Variants in IFT43 observed in about 807,000 individuals in gnomAD.
IFT43 encodes the protein intraflagellar transport protein 43 homolog.
In IFT43, 33 loss-of-function variants were observed where a neutral mutation model predicts 32.3. The ratio of observed to expected loss-of-function variants is 1.02; its 90% CI spans 0.77 to 1.37. The LOEUF is 1.37. IFT43 is among the 40% of genes most tolerant of loss of function. The probability of loss-of-function intolerance (pLI) is 0.00; values close to 1 mark genes in which losing one functional copy is unlikely to be tolerated. For missense variants in IFT43, 274 were observed against 265.9 expected, an observed-to-expected ratio of 1.03 and a Z score of -0.21; for synonymous variants, 93 against 98.2, an observed-to-expected ratio of 0.95 and a Z score of 0.31.
At chr14:75,999,241 A>AATATTCATTTATATATAAATTTATTT (rs1408982797) in intron 2 of IFT43, among the ~76,000 whole-genome samples, 1 of 12,974 alleles carries the variant, frequency 7.7e-5, no homozygotes, top group African/African-American at 3.3e-4. Context: ...ATATATATAT[A>AATATTCATTTATATATAAATTTATTT]TATATATATA....
intron 2 of IFT43, among the ~76,000 whole-genome samples, chr14:76,010,113 AT>A (rs972569349): frequency 1.3e-5 from 2 of 152,116 alleles, no homozygotes; most frequent in African/African-American, 4.8e-5. Context: ...CTTCTACCAC[AT>A]TGTTTTCTTC....
At chr14:75,993,708 C>A (rs1302976298) in intron 2 of IFT43, among the ~76,000 whole-genome samples, 1 of 152,218 alleles carries the variant, frequency 6.6e-6, no homozygotes, top group Non-Finnish European at 1.5e-5. Flanking sequence ...ATTACTCTAG[C>A]TCCTTCCAGC....
At chr14:76,014,422 G>C (rs1284258287) in intron 2 of IFT43, among the ~76,000 whole-genome samples, 4 of 152,180 alleles carry the variant, frequency 2.6e-5, no homozygotes, top group African/African-American at 7.2e-5. Flanking sequence ...TGATCAAGTT[G>C]CATCAGCTTC....
intron 5 of IFT43, among the ~76,000 whole-genome samples, chr14:76,065,850 G>A (rs2037216911): frequency 6.6e-6 from 1 of 152,152 alleles, no homozygotes; most frequent in Non-Finnish European, 1.5e-5. Flanking sequence ...AAACTCCTGG[G>A]CTCAACCAGT....
At chr14:76,034,668 A>G (rs1021702135) in intron 3 of IFT43, among the ~76,000 whole-genome samples, 1 of 152,220 alleles carries the variant, frequency 6.6e-6, no homozygotes, top group Non-Finnish European at 1.5e-5. Flanking sequence ...CTTTATTTGC[A>G]TAACACTGCC....
intron 3 of IFT43, among the ~76,000 whole-genome samples, chr14:76,053,462 A>G (rs11159166): frequency 0.35 from 53,220 of 151,984 alleles, 9,433 homozygotes; most frequent in African/African-American, 0.4. Context: ...TTTAAATGCA[A>G]GTCACGACAG....
At chr14:75,996,254 G>T (rs1028642512) in intron 2 of IFT43, among the ~76,000 whole-genome samples, 1 of 152,184 alleles carries the variant, frequency 6.6e-6, no homozygotes, top group African/African-American at 2.4e-5. Context: ...AAAGATGATC[G>T]TTTTGTCTTT....
At chr14:76,036,404 C>CT (rs2036599102) in intron 3 of IFT43, among the ~76,000 whole-genome samples, 1 of 120,786 alleles carries the variant, frequency 8.3e-6, no homozygotes, top group Admixed American at 8.5e-5. Context: ...TTCTTTCTGT[C>CT]TTTCTTTTTT....
At chr14:76,072,380 C>G (rs1008315138) in intron 5 of IFT43, among the ~76,000 whole-genome samples, 3 of 152,172 alleles carry the variant, frequency 2.0e-5, no homozygotes, top group African/African-American at 7.2e-5. Context: ...CCTCCTCTTG[C>G]ATTGGCAGGG....
intron 2 of IFT43, among the ~76,000 whole-genome samples, chr14:75,994,572 G>A (rs973380757): frequency 6.6e-6 from 1 of 152,178 alleles, no homozygotes; most frequent in Non-Finnish European, 1.5e-5. Context: ...GAAACCCAAG[G>A]AGAAATGATA....
At chr14:76,025,199 C>A (rs1270213644) in intron 3 of IFT43, among the ~76,000 whole-genome samples, 1 of 152,154 alleles carries the variant, frequency 6.6e-6, no homozygotes, top group African/African-American at 2.4e-5. Context: ...TTTCCTTGAG[C>A]AGTTGTTGCC....
chr14:76,004,417 A>C (rs2035944770), intron 2 of IFT43, among the ~76,000 whole-genome samples: 1 of 151,778 alleles, frequency 6.6e-6, no homozygotes, highest in Non-Finnish European at 1.5e-5. Context: ...TCTGTATGTA[A>C]GTCTTTTCTC....
intron 5 of IFT43, among the ~76,000 whole-genome samples, chr14:76,063,361 G>A (rs968765643): frequency 3.3e-5 from 5 of 152,268 alleles, no homozygotes; most frequent in East Asian, 3.9e-4. Context: ...GTATCCAGTC[G>A]GTCTGGACTT....
At position 76,083,575 on chromosome 14, in the gene IFT43, T is replaced by A; in HGVS notation, c.625T>A (p.Ter209ArgextTer13). ...CCCTGCGGGGCAGGCCAGGCACACC[T>A]GAGCCCGTCACCCATGCTCTAGACA... ...EDPAGQARHT* is the reference protein window; with the variant it reads ...EDPAGQARHTR The change falls in exon 9 of 9, where the codon TGA (stop) becomes AGA (arginine). Residue 209 changes from the stop codon to arginine, a stop_lost. Coordinates refer to ENST00000314067, the MANE Select transcript of IFT43 (RefSeq NM_001102564.3). The A allele has an allele frequency of 6.2e-7, 1 of 1,613,952 alleles. No individual in the cohort carries two copies. Among genetic ancestry groups the A allele is most frequent in the Non-Finnish European group, 8.5e-7 (1 of 1,180,010 alleles).
intron 2 of IFT43, among the ~76,000 whole-genome samples, chr14:75,996,878 G>A (rs2035757364): frequency 6.6e-6 from 1 of 152,322 alleles, no homozygotes. Context: ...TTGATTGGGA[G>A]CTTTCTGTGT....
rs933803493 is a variant in IFT43, at chr14:75,986,447, A to C, written c.54+607A>C. The C allele has an allele frequency of 3.7e-3, 143 of 39,132 alleles. 2 individuals carry two copies. The African/African-American group carries it at 0.053, about 14-fold the overall frequency. 2.4% of individuals were successfully genotyped at this position (39,132 alleles called of 1,614,324 possible). ...GAGCATAGAGCTGTTGCCTGGGTTC[A>C]AAAAAAAAAAAAAAACCTAAAAAAC... On this transcript the variant is annotated intron_variant, in intron 1 of 8. Transcript: ENST00000314067.
At chr14:76,076,691 G>A (rs2140090320) in intron 5 of IFT43, 1 of 1,614,154 alleles carries the variant, frequency 6.2e-7, no homozygotes, top group Non-Finnish European at 8.5e-7. Context: ...GGAAGAGGCA[G>A]GTAGGCTTTT....
rs139004076 is a variant in IFT43 at position 76,027,408 on chromosome 14, T to C, written c.215+5014T>C. ...CATGACATTTCACCCCTAAATACTT[T>C]AGCATGCATCTCTCAAGATTAATGA... is the stretch of plus-strand genomic sequence containing the variant. On this transcript the variant is annotated intron_variant, in intron 3 of 8. Transcript: ENST00000314067. 4.8e-3 allele frequency among the ~76,000 whole-genome samples: 713 copies of C among 149,554 alleles called. 7 individuals carry two copies. Among genetic ancestry groups the C allele is most frequent in the African/African-American group, 0.016 (646 of 41,004 alleles).
chr14:76,044,833 C>T (rs2036774916), intron 3 of IFT43, among the ~76,000 whole-genome samples: 2 of 152,208 alleles, frequency 1.3e-5, no homozygotes. Context: ...ACCCCTGAGA[C>T]AGCAAGGCCA....
Sources: gnomAD v4.1 joint callset for allele counts (sites outside exome capture counted in the v4.1 genomes callset) on GRCh38, gnomAD v4.1.1 for gene constraint, MANE v1.5 for transcripts, NCBI Gene and HGNC (gene_info 2026-07-23, HGNC 2026-07-21) for gene names.